TNFSF4: variants seen among roughly 807,000 people sequenced by gnomAD.
TNFSF4 encodes the protein tumor necrosis factor ligand superfamily member 4.
Under a neutral mutation model 7.3 loss-of-function variants are expected in TNFSF4, and 4 were observed. That is an observed-to-expected ratio of 0.55 (90% CI 0.27 to 1.25). The LOEUF (loss-of-function observed/expected upper bound fraction) is 1.25, where lower values mean the gene tolerates loss of function less well. Among genes scored for constraint, TNFSF4 ranks in the 50% most tolerant of loss-of-function variants. The pLI is 0.12. For missense variants in TNFSF4, 181 were observed against 208.8 expected, an observed-to-expected ratio of 0.87 and a Z score of 0.82; for synonymous variants, 76 against 83.7, an observed-to-expected ratio of 0.91 and a Z score of 0.50.
the TNFSF4 span, among the ~76,000 whole-genome samples, chr1:173,263,739 A>G: frequency 6.6e-6 from 1 of 152,188 alleles, no homozygotes; most frequent in Non-Finnish European, 1.5e-5. Context: ...AGGCAAAAGG[A>G]TGTCTTTATG....
the TNFSF4 span, among the ~76,000 whole-genome samples, chr1:173,293,518 G>C: frequency 6.6e-6 from 1 of 152,002 alleles, no homozygotes; most frequent in Non-Finnish European, 1.5e-5. Context: ...AAAAATCCTA[G>C]AAGAAAACCT....
chr1:173,429,390 T>C, the TNFSF4 span, among the ~76,000 whole-genome samples: 806 of 152,332 alleles, frequency 5.3e-3, 8 homozygotes, highest in Admixed American at 5.4e-3. Flanking sequence ...GTAACCAGAA[T>C]TCTTGTAGCA....
chr1:173,210,229 C>T (rs1192709840), upstream of TNFSF4, among the ~76,000 whole-genome samples: 1 of 152,158 alleles, frequency 6.6e-6, no homozygotes, highest in Non-Finnish European at 1.5e-5. Context: ...CATTTTTAGT[C>T]CTCAGGGAGG....
the TNFSF4 span, among the ~76,000 whole-genome samples, chr1:173,344,061 T>C: frequency 6.6e-6 from 1 of 152,366 alleles, no homozygotes; most frequent in East Asian, 1.9e-4. Context: ...ATGTCTGATT[T>C]CTTCATCCAT....
the TNFSF4 span, among the ~76,000 whole-genome samples, chr1:173,378,683 C>T: frequency 6.6e-6 from 1 of 152,154 alleles, no homozygotes; most frequent in African/African-American, 2.4e-5. Flanking sequence ...TATGTCCAAG[C>T]TTTCTTTTCA....
At chr1:173,251,474 A>T in the TNFSF4 span, among the ~76,000 whole-genome samples, 4 of 152,120 alleles carry the variant, frequency 2.6e-5, no homozygotes, top group Non-Finnish European at 5.9e-5. Context: ...CTCAATACCT[A>T]TTTGGTGAAT....
At chr1:173,338,352 T>C in the TNFSF4 span, among the ~76,000 whole-genome samples, 8 of 152,222 alleles carry the variant, frequency 5.3e-5, no homozygotes, top group African/African-American at 1.7e-4. Flanking sequence ...TCCACTGCCA[T>C]GGTATTTCAA....
chr1:173,427,769 G>GT, the TNFSF4 span, among the ~76,000 whole-genome samples: 5 of 151,982 alleles, frequency 3.3e-5, no homozygotes, highest in African/African-American at 1.2e-4. Flanking sequence ...AGGCTATATG[G>GT]TACAGCCTAT....
the TNFSF4 span, among the ~76,000 whole-genome samples, chr1:173,296,295 C>G: frequency 6.6e-6 from 1 of 151,936 alleles, no homozygotes; most frequent in Non-Finnish European, 1.5e-5. Flanking sequence ...TGTCTCATTA[C>G]GTGAATTTCA....
chr1:173,205,626 G>GACTGGTGAATGC, intron 1 of TNFSF4: 1 of 1,092,408 alleles, frequency 9.2e-7, no homozygotes, highest in African/African-American at 1.6e-5. Context: ...AGGGCTCCCA[G>GACTGGTGAATGC]ACTGGTGAAT....
the TNFSF4 span, among the ~76,000 whole-genome samples, chr1:173,330,221 T>C: frequency 1.3e-5 from 2 of 152,090 alleles, no homozygotes; most frequent in Non-Finnish European, 2.9e-5. Context: ...TGATTACCAT[T>C]CATGTTAATT....
chr1:173,439,435 C>G, the TNFSF4 span, among the ~76,000 whole-genome samples: 1 of 152,198 alleles, frequency 6.6e-6, no homozygotes, highest in Non-Finnish European at 1.5e-5. Context: ...CAGCTACTGT[C>G]CTTTGGATAC....
chr1:173,302,994 C>T, the TNFSF4 span, among the ~76,000 whole-genome samples: 1 of 151,744 alleles, frequency 6.6e-6, no homozygotes, highest in African/African-American at 2.4e-5. Flanking sequence ...TTGAGGATTC[C>T]TAGTGTAACA....
At chr1:173,398,325 A>C in the TNFSF4 span, among the ~76,000 whole-genome samples, 1 of 151,136 alleles carries the variant, frequency 6.6e-6, no homozygotes, top group Non-Finnish European at 1.5e-5. Flanking sequence ...CTCTAGGCTT[A>C]TTGGTAAAAC....
At chr1:173,444,147 T>A in the TNFSF4 span, among the ~76,000 whole-genome samples, 2 of 152,118 alleles carry the variant, frequency 1.3e-5, no homozygotes, top group African/African-American at 4.8e-5. Flanking sequence ...CGAAACCATT[T>A]ATTTAAATCA....
At chr1:173,270,800 A>T in the TNFSF4 span, among the ~76,000 whole-genome samples, 1 of 152,166 alleles carries the variant, frequency 6.6e-6, no homozygotes, top group Non-Finnish European at 1.5e-5. Context: ...AATGCATATT[A>T]TAAAGCTATA....
chr1:173,402,567 A>C, the TNFSF4 span, among the ~76,000 whole-genome samples: 1 of 152,214 alleles, frequency 6.6e-6, no homozygotes, highest in Non-Finnish European at 1.5e-5. Context: ...GATGGAACGT[A>C]TTAAGCCAAC....
At chr1:173,436,746 T>C in the TNFSF4 span, among the ~76,000 whole-genome samples, 1 of 152,188 alleles carries the variant, frequency 6.6e-6, no homozygotes, top group Non-Finnish European at 1.5e-5. Flanking sequence ...TTCAGCATTT[T>C]TTTTTAAGCC....
chr1:173,397,686 G>T, the TNFSF4 span, among the ~76,000 whole-genome samples: 1 of 152,228 alleles, frequency 6.6e-6, no homozygotes, highest in Non-Finnish European at 1.5e-5. Context: ...CTTGTGAAGT[G>T]AGAGCTATCC....
Sources: allele counts gnomAD v4.1 joint callset (sites outside exome capture counted in the v4.1 genomes callset), GRCh38; gene constraint gnomAD v4.1.1; transcripts MANE v1.5; gene names NCBI Gene and HGNC (gene_info 2026-07-23, HGNC 2026-07-21).